RACGAP1: variants seen among roughly 807,000 people sequenced by gnomAD.
RACGAP1 encodes the protein rac GTPase-activating protein 1.
Under a neutral mutation model 78.1 loss-of-function variants are expected in RACGAP1, and 30 were observed. That is an observed-to-expected ratio of 0.38 (90% confidence interval 0.29 to 0.52). RACGAP1 has a LOEUF of 0.52. Among genes scored for constraint, RACGAP1 ranks in the 20% least tolerant of loss-of-function variants. The pLI, the probability that RACGAP1 is intolerant of heterozygous loss-of-function variation, is 0.82. For synonymous variants in RACGAP1, 231 were observed against 264.8 expected (o/e 0.87, Z 1.24); for missense variants, 587 against 777.1 (o/e 0.76, Z 2.91).
intron 7 of RACGAP1, among the ~76,000 whole-genome samples, chr12:50,000,560 C>T (rs1948611944): frequency 6.6e-6 from 1 of 152,040 alleles, no homozygotes; most frequent in Non-Finnish European, 1.5e-5. Context: ...TTGAGCCCCG[C>T]AGTTCGAGTC....
At chr12:50,024,049 TACTC>T in intron 1 of RACGAP1, among the ~76,000 whole-genome samples, 1 of 151,956 alleles carries the variant, frequency 6.6e-6, no homozygotes, top group East Asian at 2.0e-4. Flanking sequence ...TAGTCCCAGC[TACTC>T]GGGAGGCTGA....
In RACGAP1 at chr12:50,017,020, G is replaced by A. The variant is rs972869883; in HGVS notation, c.-4-301C>T. 8 of 1,107,556 alleles carry A rather than the reference G, an allele frequency of 7.2e-6. No homozygotes were observed. In the East Asian group the frequency reaches 3.8e-4, roughly 53 times the overall value. 68.6% of individuals were successfully genotyped at this position (1,107,556 alleles called of 1,614,324 possible). A position where few individuals can be genotyped will look rare whatever the true frequency, so the allele number is the denominator to read the frequency against. On this transcript the variant is annotated intron_variant, in intron 1 of 16. Coordinates refer to ENST00000312377, the MANE Select transcript of RACGAP1 (RefSeq NM_001319999.2). ...CATGTCAGTTCATTAGCAAGTGACT[G>A]ACCAACAAGAAAATGTGGTTCTTCA... is the stretch of plus-strand genomic sequence containing the variant.
At chr12:50,008,406 C>A (rs571144067) in intron 2 of RACGAP1, among the ~76,000 whole-genome samples, 1 of 151,932 alleles carries the variant, frequency 6.6e-6, no homozygotes, top group Non-Finnish European at 1.5e-5. Context: ...ACCATGTTGG[C>A]CAGGCTGGTC....
At chr12:50,027,448 G>A (rs981117976), upstream of RACGAP1, among the ~76,000 whole-genome samples, 4 of 152,282 alleles carry the variant, frequency 2.6e-5, no homozygotes, top group African/African-American at 9.6e-5. Context: ...TGTGTGAATA[G>A]GAATTTACAG....
chr12:50,019,509 TCA>T (rs1949877847), intron 1 of RACGAP1, among the ~76,000 whole-genome samples: 2 of 152,038 alleles, frequency 1.3e-5, no homozygotes, highest in African/African-American at 4.8e-5. Context: ...TACCTCAACA[TCA>T]ACGTGTAATA....
At chr12:49,997,496 G>A (rs1031393742) in intron 9 of RACGAP1, among the ~76,000 whole-genome samples, 20 of 152,002 alleles carry the variant, frequency 1.3e-4, no homozygotes, top group Admixed American at 4.6e-4. Flanking sequence ...GGCTGGTCTC[G>A]AACTCCTGAC....
chr12:49,999,524 A>G, intron 8 of RACGAP1, 92 bp downstream of exon 8: 1 of 1,174,258 alleles, frequency 8.5e-7, no homozygotes, highest in South Asian at 1.3e-5. Context: ...CAATACATCC[A>G]ATCCCCGCCT....
In RACGAP1 at chr12:50,006,492, T is replaced by TGA. The variant is rs1948984164; in HGVS notation, c.229_230insTC (p.Asn77IlefsTer6). ...CCGTTTGATCTCTACATCCACCTGA[T>TGA]TACGTGCATGCTTCAGCTTAACATC... On this transcript the variant is annotated frameshift_variant, in exon 3 of 17. Transcript: ENST00000312377. LOFTEE classifies it high-confidence loss of function. 1 of 1,614,076 alleles carries TGA rather than the reference T, an allele frequency of 6.2e-7. No homozygotes were observed. Among genetic ancestry groups the TGA allele is most frequent in the South Asian group, 1.1e-5 (1 of 91,084 alleles).
rs377516978 is a variant in RACGAP1, at chr12:50,006,616, C to T, written c.106G>A (p.Asp36Asn). The T allele has an allele frequency of 6.2e-7, 1 of 1,614,116 alleles. No individual in the cohort carries two copies. The highest frequency in any genetic ancestry group is 8.5e-7 in the Non-Finnish European group (1 of 1,179,994). ...NEVQFIQLAKDFEDFRKKWQR... is the reference protein window; with the variant it reads ...NEVQFIQLAKNFEDFRKKWQR... ...CACTTTTTACGGAAATCCTCAAAGT[C>T]CTTCGCCAACTGGATAAATTCTGAG... The change falls in exon 3 of 17, where the codon GAC becomes AAC. Residue 36 changes from aspartate to asparagine, a missense_variant. Asp to Asn is a conservative substitution (Grantham distance 23). Coordinates refer to ENST00000312377, the MANE Select transcript of RACGAP1 (RefSeq NM_001319999.2).
intron 2 of RACGAP1, among the ~76,000 whole-genome samples, chr12:50,010,839 G>A (rs1182433955): frequency 1.3e-5 from 2 of 151,944 alleles, no homozygotes; most frequent in Admixed American, 6.6e-5. Flanking sequence ...GGCTGAGACA[G>A]GAGAATCACT....
rs148579085 is a variant in RACGAP1 at position 50,013,293 on chromosome 12, A to G, written c.85+3338T>C. Among the ~76,000 whole-genome samples, 819 of 152,316 alleles carry G rather than the reference A, an allele frequency of 5.4e-3. 11 individuals carry two copies. Among genetic ancestry groups the G allele is most frequent in the African/African-American group, 0.019 (779 of 41,566 alleles). On this transcript the variant is annotated intron_variant, in intron 2 of 16. Coordinates refer to ENST00000312377, the MANE Select transcript of RACGAP1 (RefSeq NM_001319999.2). ...TCTCAATTTATGCCCAAATCCTCAT[A>G]GCACTCCCACAAAGAAAATAAAGAT...
chr12:49,991,479 A>ATATAT (rs1555169074), intron 15 of RACGAP1, among the ~76,000 whole-genome samples: 2 of 24,090 alleles, frequency 8.3e-5, no homozygotes, highest in Non-Finnish European at 1.7e-4. Flanking sequence ...ATATATATAT[A>ATATAT]TTTTTTTTTT....
rs1222393587 is a variant in RACGAP1 at position 50,006,457 on chromosome 12, C to T, written c.265G>A (p.Ala89Thr). ...ACCAGCTTTTCGCAGTCAGCCTCAG[C>T]TCTCTGTCTCCGTTTGATCTCTACA... is the stretch of plus-strand genomic sequence containing the variant. ...VDVEIKRRQRAEADCEKLERQ... is the reference protein window; with the variant it reads ...VDVEIKRRQRTEADCEKLERQ... Residue 89 changes from alanine to threonine, a missense_variant, in exon 3 of 17, where the codon GCT becomes ACT. Ala to Thr is a moderately conservative substitution (Grantham distance 58). Transcript: ENST00000312377. 3 of 1,614,066 alleles carry T rather than the reference C, an allele frequency of 1.9e-6. No individual in the cohort carries two copies. The highest frequency in any genetic ancestry group is 1.3e-5 in the African/African-American group (1 of 74,928).
upstream of RACGAP1, among the ~76,000 whole-genome samples, chr12:50,026,170 C>T (rs1380808613): frequency 1.3e-5 from 2 of 152,160 alleles, no homozygotes; most frequent in Non-Finnish European, 2.9e-5. Context: ...GTGAGAAATA[C>T]ATTTTACGTT....
At chr12:50,014,916 A>G (rs1465672857) in intron 2 of RACGAP1, among the ~76,000 whole-genome samples, 1 of 151,638 alleles carries the variant, frequency 6.6e-6, no homozygotes, top group Non-Finnish European at 1.5e-5. Context: ...GGTGGCGGAC[A>G]CTTATAATCC....
chr12:50,016,088 T>C (rs148032724), intron 2 of RACGAP1, among the ~76,000 whole-genome samples: 2,575 of 151,680 alleles, frequency 0.017, 39 homozygotes, highest in Non-Finnish European at 0.026. Context: ...AGAATCTTGA[T>C]AATAAAAAAG....
At position 49,996,857 on chromosome 12, in the gene RACGAP1, G is replaced by T. The variant is rs11169241; in HGVS notation, c.1044+183C>A. 5.3e-5 allele frequency among the ~76,000 whole-genome samples: 8 copies of T among 152,038 alleles called. No individual in the cohort carries two copies. The East Asian group carries it at 1.5e-3, about 29-fold the overall frequency. The stretch of plus-strand genomic sequence containing the variant: ...GGGGCGGGGAAAGAAGTTTGGTTTA[G>T]AAAGGTATTAGACAGACAAACCCAA... On this transcript the variant is annotated intron_variant, in intron 10 of 16. Transcript: ENST00000312377.
rs1048920319 is a variant in RACGAP1 at position 50,025,434 on chromosome 12, T to G, written c.-41A>C. The G allele has an allele frequency of 2.0e-6, 2 of 985,538 alleles. No homozygotes were observed. The highest frequency in any genetic ancestry group is 2.4e-6 in the Non-Finnish European group (2 of 830,128). 61.0% of individuals were successfully genotyped at this position (985,538 alleles called of 1,614,324 possible). A position where few individuals can be genotyped will look rare whatever the true frequency, so the allele number is the denominator to read the frequency against. On this transcript the variant is annotated 5_prime_UTR_variant, in exon 1 of 17. Transcript: ENST00000312377. Reference sequence around the variant, plus strand: ...TGGCCCCACCTGGGCCACCCTTCACTTCGCTCCGCGCCTCACCCAACGGCA... The same window carrying G: ...TGGCCCCACCTGGGCCACCCTTCACGTCGCTCCGCGCCTCACCCAACGGCA...
intron 2 of RACGAP1, among the ~76,000 whole-genome samples, chr12:50,013,700 C>T (rs1949487832): frequency 6.6e-6 from 1 of 152,240 alleles, no homozygotes; most frequent in African/African-American, 2.4e-5. Context: ...TTGCTCTGCT[C>T]AGGCTGTCGC....
Sources: gnomAD v4.1 joint callset for allele counts (sites outside exome capture counted in the v4.1 genomes callset) on GRCh38, gnomAD v4.1.1 for gene constraint, MANE v1.5 for transcripts, NCBI Gene and HGNC (gene_info 2026-07-23, HGNC 2026-07-21) for gene names.